The following ABLIM2 variants were observed in gnomAD, a reference collection of about 807,000 sequenced individuals.
The protein encoded by ABLIM2 is actin binding LIM protein family member 2, also known as actin-binding LIM protein 2.
ABLIM2 carries 53 observed loss-of-function variants against 97.7 expected under a neutral mutation model. The ratio of observed to expected loss-of-function variants is 0.54; its 90% CI spans 0.44 to 0.68. The LOEUF is 0.68. Among genes scored for constraint, ABLIM2 ranks in the 30% least tolerant of loss-of-function variants. ABLIM2 has a pLI of 0.00. For synonymous variants in ABLIM2, 361 were observed against 345.8 expected, an observed-to-expected ratio of 1.04 and a Z score of -0.49; for missense variants, 835 against 867.2, an observed-to-expected ratio of 0.96 and a Z score of 0.47.
chr4:8,066,879 T>A (rs980129073), intron 6 of ABLIM2, among the ~76,000 whole-genome samples: 1 of 152,192 alleles, frequency 6.6e-6, no homozygotes, highest in Non-Finnish European at 1.5e-5. Flanking sequence ...ACATTTTAAA[T>A]GGTTAATTGT....
rs956573516 is a variant in ABLIM2, at chr4:7,998,857, T to C, written c.1619-5930A>G. 5.3e-5 allele frequency among the ~76,000 whole-genome samples: 8 copies of C among 152,172 alleles called. No individual in the cohort carries two copies. In the East Asian group the frequency reaches 1.5e-3, roughly 29 times the overall value. On this transcript the variant is annotated intron_variant, in intron 16 of 20. Transcript: ENST00000447017. The surrounding 1 kb of genome is among the most constrained non-coding windows in gnomAD (Gnocchi z 6.4). ...TTTGCTGTTCCCACCTTTAGAGTTG[T>C]CCTGTGACCAACCGTCTGCCGTATC...
chr4:8,006,681 C>G (rs972447720), intron 16 of ABLIM2, among the ~76,000 whole-genome samples: 2 of 152,188 alleles, frequency 1.3e-5, no homozygotes, highest in African/African-American at 2.4e-5. Context: ...GCTACACCAG[C>G]CAGGGGCAGG....
rs886139637 is a variant in ABLIM2, at chr4:8,147,575, A to G, written c.10+11105T>C. ...GGAGGGAGCGGGAGACGACACACAC[A>G]GGGGAGAAGTAGCATGAAGATGGAG... On this transcript the variant is annotated intron_variant, in intron 1 of 20. Transcript: ENST00000447017. This position sits in a 1 kb window ranked among gnomAD's most constrained non-coding sequence, Gnocchi z 5.3. 5.3e-5 allele frequency among the ~76,000 whole-genome samples: 8 copies of G among 152,168 alleles called. No homozygotes were observed. Among genetic ancestry groups the G allele is most frequent in the East Asian group, 3.9e-4 (2 of 5,194 alleles).
rs969208074 is a variant in ABLIM2, at chr4:8,032,750, G to A, written c.1048-2974C>T. On this transcript the variant is annotated intron_variant, in intron 10 of 20. Coordinates refer to ENST00000447017, the MANE Select transcript of ABLIM2 (RefSeq NM_001130083.2). This position sits in a 1 kb window ranked among gnomAD's most constrained non-coding sequence, Gnocchi z 4.3. Reference sequence around the variant, plus strand: ...CAGAGAGGGAGGAGGGCAGTTCCGTGACTGGCAGGCAACACAGGCGCAAAC... The same window carrying A: ...CAGAGAGGGAGGAGGGCAGTTCCGTAACTGGCAGGCAACACAGGCGCAAAC... 4.5e-6 allele frequency: 7 copies of A among 1,559,048 alleles called. No individual in the cohort carries two copies. The highest frequency in any genetic ancestry group is 1.4e-5 in the African/African-American group (1 of 73,824).
intron 20 of ABLIM2, among the ~76,000 whole-genome samples, chr4:7,969,730 G>GACACTGACACACACACACACACAC (rs1553873854): frequency 7.2e-6 from 1 of 139,576 alleles, no homozygotes; most frequent in African/African-American, 2.7e-5. Flanking sequence ...CTCTCTCTCT[G>GACACTGACACACACACACACACAC]ACACACACAC....
intron 1 of ABLIM2, among the ~76,000 whole-genome samples, chr4:8,141,795 C>G (rs981782512): frequency 4.6e-5 from 7 of 152,266 alleles, no homozygotes; most frequent in African/African-American, 1.4e-4. Flanking sequence ...AATTTGCAAC[C>G]AGTGCTACTT....
chr4:8,145,182 A>G (rs951388010), intron 1 of ABLIM2, among the ~76,000 whole-genome samples: 1 of 146,224 alleles, frequency 6.8e-6, no homozygotes, highest in African/African-American at 2.6e-5. Flanking sequence ...AATGGCAGGT[A>G]TTGATTTTTT....
chr4:8,037,314 A>C (rs1188971479), intron 9 of ABLIM2, among the ~76,000 whole-genome samples: 1 of 147,564 alleles, frequency 6.8e-6, no homozygotes, highest in Admixed American at 6.8e-5. Flanking sequence ...ACGCACATGC[A>C]TGCGCACACA....
At chr4:8,110,311 C>G (rs1170973080) in intron 1 of ABLIM2, among the ~76,000 whole-genome samples, 3 of 152,200 alleles carry the variant, frequency 2.0e-5, no homozygotes, top group Non-Finnish European at 4.4e-5. Flanking sequence ...CCAAATCCAG[C>G]CTGAGGGAAG....
intron 2 of ABLIM2, among the ~76,000 whole-genome samples, chr4:8,105,758 G>A (rs1194362196): frequency 6.6e-6 from 1 of 152,186 alleles, no homozygotes; most frequent in African/African-American, 2.4e-5. Flanking sequence ...TCCTCGGGTC[G>A]ACATCCATCA....
In ABLIM2 at chr4:7,998,070, G is replaced by C. The variant is rs533536593; in HGVS notation, c.1619-5143C>G. Reference sequence around the variant, plus strand: ...CTGATTTTGTATTTTTAGTAGAGACGGGGTTTCTCCATGTTGATCGGGCTC... The same window carrying C: ...CTGATTTTGTATTTTTAGTAGAGACCGGGTTTCTCCATGTTGATCGGGCTC... On this transcript the variant is annotated intron_variant, in intron 16 of 20. Coordinates refer to ENST00000447017, the MANE Select transcript of ABLIM2 (RefSeq NM_001130083.2). The surrounding 1 kb of genome is among the most constrained non-coding windows in gnomAD (Gnocchi z 6.4). 1.3e-5 allele frequency among the ~76,000 whole-genome samples: 2 copies of C among 151,968 alleles called. No individual in the cohort carries two copies. The highest frequency in any genetic ancestry group is 1.3e-4 in the Admixed American group (2 of 15,252).
At chr4:8,078,390 G>C (rs1274386400) in intron 5 of ABLIM2, among the ~76,000 whole-genome samples, 1 of 152,240 alleles carries the variant, frequency 6.6e-6, no homozygotes, top group Non-Finnish European at 1.5e-5. Context: ...AGGGCTCAGG[G>C]AATTGGTGTC....
At chr4:8,027,734 C>T in intron 12 of ABLIM2, 25 bp downstream of exon 12, 1 of 1,519,340 alleles carries the variant, frequency 6.6e-7, no homozygotes, top group Non-Finnish European at 8.9e-7. Flanking sequence ...TGAGCACCCA[C>T]AGCCCACATC....
chr4:8,055,376 G>T (rs561138840), intron 7 of ABLIM2, among the ~76,000 whole-genome samples: 7 of 149,758 alleles, frequency 4.7e-5, no homozygotes, highest in Non-Finnish European at 7.4e-5. Context: ...TGCCCCCTGC[G>T]ATGGGCTGGC....
intron 15 of ABLIM2, 42 bp from the exon 16 acceptor site, chr4:8,008,242 T>G (rs1762647763): frequency 6.3e-7 from 1 of 1,591,254 alleles, no homozygotes; most frequent in African/African-American, 1.3e-5. Context: ...CAAGGTCATC[T>G]GCAATGGTGG....
In ABLIM2 at chr4:8,107,862, C is replaced by T. The variant is rs998027649; in HGVS notation, c.11-1225G>A. Among the ~76,000 whole-genome samples the T allele has an allele frequency of 3.3e-5, 5 of 152,078 alleles. No individual in the cohort carries two copies. The East Asian group carries it at 5.8e-4, about 18-fold the overall frequency. ...GGGGCCTTAAAATCAGATCATTATGCGGCTGTGGCCAGAGGGAGGCGTGAC... is the reference window on the plus strand; with the variant it reads ...GGGGCCTTAAAATCAGATCATTATGTGGCTGTGGCCAGAGGGAGGCGTGAC... On this transcript the variant is annotated intron_variant, in intron 1 of 20. Transcript: ENST00000447017.
chr4:8,068,722 G>A lies in ABLIM2; in HGVS notation c.676-7668C>T, dbSNP rs1809738281. On this transcript the variant is annotated intron_variant, in intron 6 of 20. Coordinates refer to ENST00000447017, the MANE Select transcript of ABLIM2 (RefSeq NM_001130083.2). This position sits in a 1 kb window ranked among gnomAD's most constrained non-coding sequence, Gnocchi z 4.5. ...CGCTGCGGGCTCCCGCTCAGCCGAG[G>A]GCCAGGGCTGGGCCTGCGGGCTGCA... Among the ~76,000 whole-genome samples, 1 of 152,190 alleles carries A rather than the reference G, an allele frequency of 6.6e-6. No homozygotes were observed. Among genetic ancestry groups the A allele is most frequent in the Non-Finnish European group, 1.5e-5 (1 of 68,036 alleles).
At chr4:8,048,619 C>G (rs939557762) in intron 8 of ABLIM2, among the ~76,000 whole-genome samples, 2 of 152,198 alleles carry the variant, frequency 1.3e-5, no homozygotes, top group Non-Finnish European at 2.9e-5. Flanking sequence ...CCGTCTCGCT[C>G]CCATTCAGCC....
At position 8,019,095 on chromosome 4, in the gene ABLIM2, G is replaced by A. The variant is rs1337455985; in HGVS notation, c.1423+523C>T. Among the ~76,000 whole-genome samples, 12 of 152,314 alleles carry A rather than the reference G, an allele frequency of 7.9e-5. No individual in the cohort carries two copies. The highest frequency in any genetic ancestry group is 4.1e-4 in the South Asian group (2 of 4,832). ...AGGTTCACGTGGAGCAGAGCTGGGCGTCAGCTCCTATTTGCTTATGCAAGA... is the reference window on the plus strand; with the variant it reads ...AGGTTCACGTGGAGCAGAGCTGGGCATCAGCTCCTATTTGCTTATGCAAGA... On this transcript the variant is annotated intron_variant, in intron 14 of 20. Transcript: ENST00000447017. The surrounding 1 kb of genome is among the most constrained non-coding windows in gnomAD (Gnocchi z 4.3).
Sources: allele counts gnomAD v4.1 joint callset (sites outside exome capture counted in the v4.1 genomes callset), GRCh38; gene constraint gnomAD v4.1.1; non-coding constraint Gnocchi (gnomAD v3.1); transcripts MANE v1.5; gene names NCBI Gene and HGNC (gene_info 2026-07-23, HGNC 2026-07-21).